TCF7: variants seen among roughly 807,000 people sequenced by gnomAD.
TCF7 encodes the protein T-cell-factor-7.
TCF7 carries 19 observed loss-of-function variants against 46.8 expected under a neutral mutation model. The ratio of observed to expected loss-of-function variants is 0.41; its 90% CI spans 0.28 to 0.60. The LOEUF is 0.60. Among genes scored for constraint, TCF7 ranks in the 20% least tolerant of loss-of-function variants. The pLI is 0.35. For synonymous variants in TCF7, 245 were observed against 213.4 expected (o/e 1.15, Z -1.29); for missense variants, 547 against 504.6 (o/e 1.08, Z -0.81).
chr5:134,115,784 G>C lies in TCF7; in HGVS notation c.317-125G>C, dbSNP rs552612435. ...TTGGCACTGCCGATACTCCCAGCCCGTTCCTTCCCAAGTCAGGAACTTGCA... is the reference window on the plus strand; with the variant it reads ...TTGGCACTGCCGATACTCCCAGCCCCTTCCTTCCCAAGTCAGGAACTTGCA... On this transcript the variant is annotated intron_variant, in intron 2 of 9. Coordinates refer to ENST00000342854, the MANE Select transcript of TCF7 (RefSeq NM_003202.5). 6.5e-6 allele frequency: 10 copies of C among 1,528,480 alleles called. No individual in the cohort carries two copies. In the South Asian group the frequency reaches 1.2e-4, roughly 18 times the overall value. 94.7% of individuals were successfully genotyped at this position (1,528,480 alleles called of 1,614,324 possible).
At chr5:134,123,473 G>A in intron 3 of TCF7, 1 of 334,082 alleles carries the variant, frequency 3.0e-6, no homozygotes, top group Non-Finnish European at 6.0e-6. Context: ...GGGCACAGAG[G>A]AGGGAGAGGC....
At chr5:134,123,924 G>C (rs1457913875) in intron 3 of TCF7, among the ~76,000 whole-genome samples, 3 of 152,138 alleles carry the variant, frequency 2.0e-5, no homozygotes, top group African/African-American at 7.2e-5. Context: ...AAGACCCAAG[G>C]GTGTTGGGCA....
At chr5:134,128,690 C>T (rs1289578279) in intron 3 of TCF7, among the ~76,000 whole-genome samples, 1 of 151,638 alleles carries the variant, frequency 6.6e-6, no homozygotes, top group Non-Finnish European at 1.5e-5. Flanking sequence ...TCCCTCTGCC[C>T]TTGAGCCCCT....
upstream of TCF7, among the ~76,000 whole-genome samples, chr5:134,110,285 G>GT (rs1289284151): frequency 6.6e-6 from 1 of 152,146 alleles, no homozygotes; most frequent in Non-Finnish European, 1.5e-5. Context: ...CTTGGTTATT[G>GT]TATGAAGTCC....
chr5:134,142,742 G>A lies in TCF7; in HGVS notation c.777G>A (p.Lys259=). ...TCAGGAAGACACAAGCAGAGTCCAA[G>A]GCAGAGAAGGAGGCCAAGAAGCCAA... The part of the protein sequence containing the change: ...DRNLKTQAES[K]AEKEAKKPTI... The change falls in exon 7 of 10, where the codon AAG becomes AAA. Residue 259 remains lysine, a synonymous_variant. Transcript: ENST00000342854. 1 of 1,614,142 alleles carries A rather than the reference G, an allele frequency of 6.2e-7. No individual in the cohort carries two copies. The highest frequency in any genetic ancestry group is 8.5e-7 in the Non-Finnish European group (1 of 1,180,016).
chr5:134,144,738 T>C (rs1760424110), intron 9 of TCF7: 39 of 1,326,120 alleles, frequency 2.9e-5, no homozygotes, highest in Non-Finnish European at 4.1e-5. Flanking sequence ...GGCCCTGCTC[T>C]GCCCCGCTGC....
At chr5:134,128,085 G>A (rs1035590983) in intron 3 of TCF7, among the ~76,000 whole-genome samples, 4 of 152,166 alleles carry the variant, frequency 2.6e-5, no homozygotes, top group South Asian at 2.1e-4. Flanking sequence ...CTGACTCGGC[G>A]TTCGCTGTCC....
the TCF7 span, among the ~76,000 whole-genome samples, chr5:134,109,475 C>T: frequency 6.6e-6 from 1 of 152,102 alleles, no homozygotes; most frequent in Admixed American, 6.5e-5. Context: ...ATCCTTAGAA[C>T]TTAGAGACAC....
intron 3 of TCF7, among the ~76,000 whole-genome samples, chr5:134,126,977 C>T (rs577676552): frequency 6.6e-6 from 1 of 152,164 alleles, no homozygotes; most frequent in South Asian, 2.1e-4. Context: ...GAAACTGAGG[C>T]TCAGAGAGGA....
intron 3 of TCF7, among the ~76,000 whole-genome samples, chr5:134,135,038 C>T (rs773491897): frequency 2.0e-5 from 3 of 152,294 alleles, no homozygotes; most frequent in Middle Eastern, 3.4e-3. Flanking sequence ...ACTGCAGCCT[C>T]GATCTCCAGG....
intron 3 of TCF7, among the ~76,000 whole-genome samples, chr5:134,120,946 A>G (rs1025522757): frequency 3.3e-5 from 5 of 152,184 alleles, no homozygotes; most frequent in Admixed American, 2.6e-4. Context: ...GGAGTCAGCC[A>G]TGACTGAACC....
chr5:134,111,605 G>T (rs987992531), upstream of TCF7, among the ~76,000 whole-genome samples: 15 of 152,110 alleles, frequency 9.9e-5, no homozygotes, highest in African/African-American at 3.4e-4. Flanking sequence ...TGCCAGCAAA[G>T]GTCTTGGGCC....
intron 9 of TCF7, 114 bp downstream of exon 9, chr5:134,143,754 C>T: frequency 1.6e-6 from 2 of 1,250,206 alleles, no homozygotes; most frequent in Non-Finnish European, 2.2e-6. Context: ...CCTTCAGGGC[C>T]TGGGGCCTAT....
At chr5:134,138,542 T>C (rs1189892492) in intron 4 of TCF7, 6 of 270,060 alleles carry the variant, frequency 2.2e-5, no homozygotes, top group Non-Finnish European at 3.5e-5. Context: ...AAATCCCTCA[T>C]TGTCAGCTGT....
rs548627197 is a variant in TCF7, at chr5:134,127,729, C to T, written c.442-10330C>T. On this transcript the variant is annotated intron_variant, in intron 3 of 9. Coordinates refer to ENST00000342854, the MANE Select transcript of TCF7 (RefSeq NM_003202.5). Reference sequence around the variant, plus strand: ...TCTTCTTCTCTCGCTGCCCCGCCGCCTCCCATCCTCTCTGGTCATTGCGGG... The same window carrying T: ...TCTTCTTCTCTCGCTGCCCCGCCGCTTCCCATCCTCTCTGGTCATTGCGGG... 1.2e-4 allele frequency among the ~76,000 whole-genome samples: 18 copies of T among 152,364 alleles called. No homozygotes were observed. The East Asian group carries it at 3.5e-3, about 29-fold the overall frequency.
At chr5:134,144,902 C>T (rs1561703058) in intron 9 of TCF7, 1 of 1,578,750 alleles carries the variant, frequency 6.3e-7, no homozygotes, top group Non-Finnish European at 8.7e-7. Context: ...TCTCCCTTTG[C>T]TTTAAGCTGC....
rs737115 is a variant in TCF7, at chr5:134,115,735, C to T, written c.317-174C>T. ...GTAGGGGCCACCTCGGGGAGGCCTG[C>T]CCTCCAGGTCCTTCCCCTAAAACTT... On this transcript the variant is annotated intron_variant, in intron 2 of 9. Coordinates refer to ENST00000342854, the MANE Select transcript of TCF7 (RefSeq NM_003202.5). 9.9e-4 allele frequency: 1,422 copies of T among 1,437,100 alleles called. 6 individuals carry two copies. The African/African-American group carries it at 0.018, about 18-fold the overall frequency. The allele number at this position is 1,437,100 out of a possible 1,614,324, so 89.0% of individuals were successfully genotyped here.
In TCF7 at chr5:134,138,109, A is replaced by T. The variant is rs1361655651; in HGVS notation, c.492A>T (p.Glu164Asp). Residue 164 changes from glutamate (E) to aspartate (D), a missense_variant, in exon 4 of 10, where the codon GAA becomes GAT. By Grantham distance (45) the Glu-to-Asp change is conservative. This residue lies in a region of TCF7 where 425 missense variants were observed against 349.9 expected (regional missense o/e 1.21). Transcript: ENST00000342854. ...GTGTCCCCCAACTCTCTCTCTACGA[A>T]CATTTCAACAGCCCACATCCCACCC... is the stretch of plus-strand genomic sequence containing the variant. ...PHGVPQLSLY[E>D]HFNSPHPTPA... 1.5e-5 allele frequency: 24 copies of T among 1,612,950 alleles called. No individual in the cohort carries two copies. The highest frequency in any genetic ancestry group is 1.9e-5 in the Non-Finnish European group (23 of 1,179,528).
intron 8 of TCF7, 120 bp downstream of exon 8, chr5:134,143,220 G>A (rs937708206): frequency 3.3e-5 from 37 of 1,132,508 alleles, no homozygotes; most frequent in Non-Finnish European, 4.3e-5. Context: ...ATGAGGAAGG[G>A]CACGGAGGGT....
Sources: gnomAD v4.1 joint callset for allele counts (sites outside exome capture counted in the v4.1 genomes callset) on GRCh38, gnomAD v4.1.1 for gene constraint, gnomAD v4.1.1 regional missense constraint, MANE v1.5 for transcripts, NCBI Gene and HGNC (gene_info 2026-07-23, HGNC 2026-07-21) for gene names.